The following BOLL variants were observed in gnomAD, a reference collection of about 807,000 sequenced individuals.
BOLL encodes protein boule-like.
Under a neutral mutation model 44.4 loss-of-function variants are expected in BOLL, and 23 were observed. The ratio of observed to expected loss-of-function variants is 0.52; its 90% confidence interval spans 0.37 to 0.73. The LOEUF is 0.73. Ranked by LOEUF, BOLL falls within the 30% of genes least tolerant of loss-of-function variation. BOLL has a pLI of 0.00. For synonymous variants in BOLL, 97 were observed against 110.8 expected (o/e 0.88, Z 0.78); for missense variants, 287 against 338.3 (o/e 0.85, Z 1.19).
At chr2:197,730,742 C>G (rs1254637572) in intron 10 of BOLL, among the ~76,000 whole-genome samples, 3 of 151,494 alleles carry the variant, frequency 2.0e-5, no homozygotes, top group Non-Finnish European at 2.9e-5. Flanking sequence ...GAAATAAAAT[C>G]TTTTACAGAC....
intron 7 of BOLL, chr2:197,759,012 TAA>T: frequency 3.3e-6 from 5 of 1,534,700 alleles, no homozygotes; most frequent in Non-Finnish European, 4.4e-6. Flanking sequence ...AATTCCCTCG[TAA>T]AAAAAGAGAG....
At chr2:197,760,983 A>G (rs1688729269) in intron 7 of BOLL, among the ~76,000 whole-genome samples, 2 of 152,134 alleles carry the variant, frequency 1.3e-5, no homozygotes, top group Non-Finnish European at 2.9e-5. Context: ...AGCCAAGAAT[A>G]TTATACCCAG....
intron 6 of BOLL, 69 bp from the exon 7 acceptor site, chr2:197,766,672 A>C: frequency 1.8e-6 from 2 of 1,141,686 alleles, no homozygotes; most frequent in Non-Finnish European, 2.6e-6. Context: ...AATTTATCTC[A>C]AATTATTACC....
chr2:197,732,621 T>C (rs1687250898), intron 10 of BOLL, among the ~76,000 whole-genome samples: 1 of 150,884 alleles, frequency 6.6e-6, no homozygotes, highest in Non-Finnish European at 1.5e-5. Context: ...CATGATCAAG[T>C]GGGCTTCATC....
At chr2:197,737,334 G>C (rs1020822530) in intron 10 of BOLL, among the ~76,000 whole-genome samples, 2 of 151,936 alleles carry the variant, frequency 1.3e-5, no homozygotes, top group Non-Finnish European at 2.9e-5. Flanking sequence ...TAGAATTGGT[G>C]TCATGAACAC....
chr2:197,771,704 G>C (rs1689271950), intron 6 of BOLL, 151 bp downstream of exon 6: 1 of 929,616 alleles, frequency 1.1e-6, no homozygotes, highest in South Asian at 2.3e-5. Flanking sequence ...AAGAACTTAA[G>C]TAAATGTGGC....
chr2:197,762,199 C>T (rs1439965399), intron 7 of BOLL, among the ~76,000 whole-genome samples: 1 of 152,048 alleles, frequency 6.6e-6, no homozygotes, highest in Admixed American at 6.6e-5. Context: ...CAAAAATTGG[C>T]CAGGCGTGGT....
Position 197,737,667 on chromosome 2 carries a change from C to T in BOLL, c.828+5394G>A, listed in dbSNP as rs571240501. 2.2e-3 allele frequency among the ~76,000 whole-genome samples: 340 copies of T among 152,132 alleles called. 2 individuals carry two copies. The highest frequency in any genetic ancestry group is 3.6e-3 in the Non-Finnish European group (246 of 67,978). ...TTGATTCATAAGTATTAATGATACT[C>T]AAATGAGGAAATGGTTGGGAAAAAA... On this transcript the variant is annotated intron_variant, in intron 10 of 10. Coordinates refer to ENST00000392296, the MANE Select transcript of BOLL (RefSeq NM_033030.6).
chr2:197,771,494 A>AT (rs942692509), intron 6 of BOLL, among the ~76,000 whole-genome samples: 4 of 152,098 alleles, frequency 2.6e-5, no homozygotes, highest in African/African-American at 4.8e-5. Flanking sequence ...CTTAAAGTAT[A>AT]TAAAAAAAAG....
At chr2:197,744,437 T>TA (rs755118104) in intron 9 of BOLL, among the ~76,000 whole-genome samples, 9 of 152,134 alleles carry the variant, frequency 5.9e-5, no homozygotes, top group Non-Finnish European at 1.0e-4. Context: ...AGGGAGTAGG[T>TA]ACAATGTCTC....
intron 6 of BOLL, among the ~76,000 whole-genome samples, chr2:197,770,596 A>G (rs148317644): frequency 0.028 from 4,252 of 152,286 alleles, 200 homozygotes; most frequent in African/African-American, 0.097. Flanking sequence ...CAATCTACCC[A>G]TCTGACAAAG....
intron 10 of BOLL, among the ~76,000 whole-genome samples, chr2:197,734,346 C>G (rs1182875276): frequency 1.3e-5 from 2 of 152,192 alleles, no homozygotes; most frequent in South Asian, 2.1e-4. Flanking sequence ...GAAATAGGAA[C>G]ACTTTTACAC....
chr2:197,773,938 A>G (rs1689386433), intron 5 of BOLL: 3 of 403,118 alleles, frequency 7.4e-6, no homozygotes, highest in Middle Eastern at 3.9e-4. Flanking sequence ...GATGGAAAGA[A>G]ATGACAGATC....
chr2:197,770,842 G>T (rs1273509156), intron 6 of BOLL, among the ~76,000 whole-genome samples: 1 of 152,106 alleles, frequency 6.6e-6, no homozygotes, highest in African/African-American at 2.4e-5. Flanking sequence ...AAAAAGTCAG[G>T]AAACAACAGG....
chr2:197,735,521 T>G (rs1313992817), intron 10 of BOLL, among the ~76,000 whole-genome samples: 1 of 152,114 alleles, frequency 6.6e-6, no homozygotes, highest in African/African-American at 2.4e-5. Flanking sequence ...ATTATCACAT[T>G]AGTGGAAAAA....
intron 1 of BOLL, among the ~76,000 whole-genome samples, chr2:197,782,757 C>A (rs1240058146): frequency 6.6e-6 from 1 of 152,164 alleles, no homozygotes; most frequent in Non-Finnish European, 1.5e-5. Context: ...TAAACTCTAA[C>A]ATTCACATTC....
In BOLL at chr2:197,751,209, T is replaced by G. The variant is rs193019626; in HGVS notation, c.729+5219A>C. Among the ~76,000 whole-genome samples, 388 of 152,142 alleles carry G rather than the reference T, an allele frequency of 2.6e-3. 4 individuals are homozygous for G. The highest frequency in any genetic ancestry group is 0.01 in the Middle Eastern group (3 of 294). Reference sequence around the variant, plus strand: ...AGAAGAAAGAGGGAAAGATCTAAAATGGACACCCTAACATTACAATTAAAA... The same window carrying G: ...AGAAGAAAGAGGGAAAGATCTAAAAGGGACACCCTAACATTACAATTAAAA... On this transcript the variant is annotated intron_variant, in intron 9 of 10. Transcript: ENST00000392296.
At position 197,754,284 on chromosome 2, in the gene BOLL, A is replaced by T. The variant is rs187707846; in HGVS notation, c.729+2144T>A. 3.3e-5 allele frequency among the ~76,000 whole-genome samples: 5 copies of T among 152,282 alleles called. No homozygotes were observed. The South Asian group carries it at 1.0e-3, about 32-fold the overall frequency. On this transcript the variant is annotated intron_variant, in intron 9 of 10. Transcript: ENST00000392296. ...TATGTATCCCAGAATGTAAAGTATA[A>T]TAAAAAAAAATGGTCCTGGGAAAAC... is the stretch of plus-strand genomic sequence containing the variant.
At chr2:197,758,091 A>G (rs527988068) in intron 7 of BOLL, among the ~76,000 whole-genome samples, 1 of 152,336 alleles carries the variant, frequency 6.6e-6, no homozygotes, top group South Asian at 2.1e-4. Flanking sequence ...TGGGAAAATA[A>G]ACACTTCCTT....
Sources: gnomAD v4.1 joint callset for allele counts (sites outside exome capture counted in the v4.1 genomes callset) on GRCh38, gnomAD v4.1.1 for gene constraint, MANE v1.5 for transcripts, NCBI Gene and HGNC (gene_info 2026-07-23, HGNC 2026-07-21) for gene names.